CC2D1A: variants seen among roughly 807,000 people sequenced by gnomAD.
The protein encoded by CC2D1A is coiled-coil and C2 domain-containing protein 1A.
In CC2D1A, 68 loss-of-function variants were observed where a neutral mutation model predicts 123.8. The ratio of observed to expected loss-of-function variants is 0.55; its 90% CI spans 0.45 to 0.67. The LOEUF (loss-of-function observed/expected upper bound fraction) is 0.67, where lower values mean the gene tolerates loss of function less well. CC2D1A is among the 30% of genes least tolerant of loss of function. The pLI, the probability that CC2D1A is intolerant of heterozygous loss-of-function variation, is 0.00. For missense variants in CC2D1A, 1,185 were observed against 1,290.3 expected, an observed-to-expected ratio of 0.92 and a Z score of 1.25; for synonymous variants, 477 against 528.0, an observed-to-expected ratio of 0.90 and a Z score of 1.32.
chr19:13,917,434 C>T (rs1269093120), intron 6 of CC2D1A, among the ~76,000 whole-genome samples: 1 of 152,162 alleles, frequency 6.6e-6, no homozygotes, highest in East Asian at 1.9e-4. Context: ...GAGCAAGACT[C>T]TATCTCTTTA....
chr19:13,919,286 G>A, intron 11 of CC2D1A, 84 bp downstream of exon 11: 3 of 1,103,468 alleles, frequency 2.7e-6, no homozygotes, highest in Non-Finnish European at 2.6e-6. Context: ...CTGGCAGGCT[G>A]TGCCCCAAGC....
chr19:13,919,228 C>T (rs781358830), intron 11 of CC2D1A, 26 bp downstream of exon 11: 3 of 1,558,030 alleles, frequency 1.9e-6, no homozygotes, highest in South Asian at 1.2e-5. Flanking sequence ...GTAGGCCTCG[C>T]CCCAGTAGGC....
chr19:13,918,953 C>CA lies in CC2D1A; in HGVS notation c.1061dup (p.Arg355AlafsTer48). 1.2e-6 allele frequency: 2 copies of CA among 1,610,940 alleles called. No individual in the cohort carries two copies. Among genetic ancestry groups the CA allele is most frequent in the Middle Eastern group, 1.7e-4 (1 of 6,054 alleles). ...GAGGACCCTGCTGGAGGCGCTGGAG[C>CA]AGCGGATGGAGCGGTACCAGGTGGC... On this transcript the variant is annotated frameshift_variant, in exon 10 of 29. Coordinates refer to ENST00000318003, the MANE Select transcript of CC2D1A (RefSeq NM_017721.5). LOFTEE classifies it high-confidence loss of function.
chr19:13,927,849 C>T (rs774385117), intron 22 of CC2D1A, 44 bp from the exon 23 acceptor site: 1 of 1,601,386 alleles, frequency 6.2e-7, no homozygotes, highest in South Asian at 1.1e-5. Context: ...GGCCTCTAGT[C>T]ACTTCCTGCT....
rs1971064287 is a variant in CC2D1A, at chr19:13,913,180, G to T, written c.391G>T (p.Ala131Ser). Residue 131 changes from alanine (A) to serine (S), a missense_variant, in exon 5 of 29, where the codon GCC becomes TCC. Coordinates refer to ENST00000318003, the MANE Select transcript of CC2D1A (RefSeq NM_017721.5). ...TGCCCTCCCACAGCCGAAGCCTGAG[G>T]CCCCTCATCCGGGGCTGGAGACCAC... ...PPPVAQPKPE[A>S]PHPGLETTLQ... 1 of 1,610,626 alleles carries T rather than the reference G, an allele frequency of 6.2e-7. No individual in the cohort carries two copies. The highest frequency in any genetic ancestry group is 1.7e-5 in the Admixed American group (1 of 59,334).
chr19:13,920,230 G>T, intron 12 of CC2D1A: 2 of 511,706 alleles, frequency 3.9e-6, no homozygotes, highest in South Asian at 5.2e-5. Context: ...CAGTCTGGGT[G>T]ACAGAGCAAG....
rs1364255811 is a variant in CC2D1A, at chr19:13,918,957, G to A, written c.1064G>A (p.Arg355Gln). Reference protein sequence around the residue: ...PRTLLEALEQRMERYQVAAAQ... With the variant: ...PRTLLEALEQQMERYQVAAAQ... The stretch of plus-strand genomic sequence containing the variant: ...ACCCTGCTGGAGGCGCTGGAGCAGC[G>A]GATGGAGCGGTACCAGGTGGCCGCA... The change falls in exon 10 of 29, where the codon CGG (arginine) becomes CAG (glutamine). Residue 355 changes from arginine (R) to glutamine (Q), a missense_variant. Arg to Gln is a conservative substitution (Grantham distance 43, BLOSUM62 1). Coordinates refer to ENST00000318003, the MANE Select transcript of CC2D1A (RefSeq NM_017721.5). 2.5e-6 allele frequency: 4 copies of A among 1,610,696 alleles called. No homozygotes were observed. Among genetic ancestry groups the A allele is most frequent in the South Asian group, 1.1e-5 (1 of 90,706 alleles).
chr19:13,919,193 G>A lies in CC2D1A; in HGVS notation c.1213G>A (p.Val405Met), dbSNP rs778636075. The part of the protein sequence containing the change: ...GRAVDVAELP[V>M]PPGFPPIQGL... ...AGCCGTGGATGTCGCTGAATTGCCCGTGCCCCCAGGTAGGCCTTGCCCCTG... is the reference window on the plus strand; with the variant it reads ...AGCCGTGGATGTCGCTGAATTGCCCATGCCCCCAGGTAGGCCTTGCCCCTG... Residue 405 changes from valine (V) to methionine (M), a missense_variant, in exon 11 of 29, where the codon GTG becomes ATG. Physicochemically the swap from Val to Met is conservative, Grantham distance 21 (BLOSUM62 1). Coordinates refer to ENST00000318003, the MANE Select transcript of CC2D1A (RefSeq NM_017721.5). 3.1e-6 allele frequency: 5 copies of A among 1,612,008 alleles called. No individual in the cohort carries two copies. The highest frequency in any genetic ancestry group is 4.2e-6 in the Non-Finnish European group (5 of 1,179,158).
chr19:13,928,103 G>A (rs200706809), intron 23 of CC2D1A, 21 bp from the exon 24 acceptor site: 5 of 1,612,950 alleles, frequency 3.1e-6, no homozygotes, highest in Non-Finnish European at 4.2e-6. Context: ...GGACTCACAG[G>A]ACTGGTTCTC....
intron 2 of CC2D1A, among the ~76,000 whole-genome samples, chr19:13,911,789 C>T (rs1971009701): frequency 6.7e-6 from 1 of 148,304 alleles, no homozygotes; most frequent in South Asian, 2.1e-4. Flanking sequence ...GATCTTGGCT[C>T]ACCGCAAGCT....
chr19:13,908,655 G>A (rs1472060756), intron 1 of CC2D1A, among the ~76,000 whole-genome samples: 2 of 151,576 alleles, frequency 1.3e-5, no homozygotes, highest in African/African-American at 2.4e-5. Context: ...TAGTAGAGAC[G>A]GGGTTTCACC....
In CC2D1A at chr19:13,924,316, G is replaced by A. The variant is rs908733787; in HGVS notation, c.1940+505G>A. On this transcript the variant is annotated intron_variant, in intron 17 of 28. Coordinates refer to ENST00000318003, the MANE Select transcript of CC2D1A (RefSeq NM_017721.5). ...CTCCCGAGAAGCTGGGACTACAGCC[G>A]CCCACCACCACGCCTGGCTAATTTT... is the stretch of plus-strand genomic sequence containing the variant. Among the ~76,000 whole-genome samples, 6 of 151,792 alleles carry A rather than the reference G, an allele frequency of 4.0e-5. No individual in the cohort carries two copies. The South Asian group carries it at 1.0e-3, about 26-fold the overall frequency.
rs554441897 is a variant in CC2D1A, at chr19:13,927,153, C to A, written c.2226-22C>A. On this transcript the variant is annotated intron_variant, in intron 21 of 28. Coordinates refer to ENST00000318003, the MANE Select transcript of CC2D1A (RefSeq NM_017721.5). ...TCCTCTGAACCAACCATCCTGTCCC[C>A]ACTATACACACATGCACACAGGGGG... 1.2e-5 allele frequency: 20 copies of A among 1,613,196 alleles called. No individual in the cohort carries two copies. The African/African-American group carries it at 2.0e-4, about 16-fold the overall frequency.
rs1251066831 is a variant in CC2D1A at position 13,906,361 on chromosome 19, G to A, written c.-81G>A. 8.3e-7 allele frequency: 1 copy of A among 1,200,188 alleles called. No individual in the cohort carries two copies. Among genetic ancestry groups the A allele is most frequent in the Admixed American group, 2.7e-5 (1 of 36,766 alleles). The allele number at this position is 1,200,188 out of a possible 1,614,324, so 74.3% of individuals were successfully genotyped here. On this transcript the variant is annotated 5_prime_UTR_variant, in exon 1 of 29. In the 5' UTR this introduces an upstream ATG that the reference lacks. Transcript: ENST00000318003. The surrounding 1 kb of genome is among the most constrained non-coding windows in gnomAD (Gnocchi z 4.1). ...GGAGTGCAGGACTCAGGAAGGGCGA[G>A]TGCGCGGCGACAGAGCCCGGGGAAG...
At chr19:13,914,918 T>C (rs1971150978) in intron 6 of CC2D1A, among the ~76,000 whole-genome samples, 1 of 152,270 alleles carries the variant, frequency 6.6e-6, no homozygotes, top group Non-Finnish European at 1.5e-5. Flanking sequence ...CTCCCTCTCT[T>C]TGTGATATGA....
Position 13,906,604 on chromosome 19 carries a change from A to T in CC2D1A, c.60+103A>T. ...CAGGGAAGCCCGATCTCCGCCCCAC[A>T]GGTAAGCCCCGGTCCCCGCCTCCCC... On this transcript the variant is annotated intron_variant, in intron 1 of 28. Coordinates refer to ENST00000318003, the MANE Select transcript of CC2D1A (RefSeq NM_017721.5). The surrounding 1 kb of genome is among the most constrained non-coding windows in gnomAD (Gnocchi z 4.1). 1 of 677,476 alleles carries T rather than the reference A, an allele frequency of 1.5e-6. No individual in the cohort carries two copies. The highest frequency in any genetic ancestry group is 2.3e-6 in the Non-Finnish European group (1 of 440,298). 42.0% of individuals were successfully genotyped at this position (677,476 alleles called of 1,614,324 possible).
intron 11 of CC2D1A, 41 bp downstream of exon 11, chr19:13,919,243 C>T (rs760208794): frequency 6.8e-7 from 1 of 1,460,964 alleles, no homozygotes; most frequent in Non-Finnish European, 9.3e-7. Context: ...GTAGGCCCCG[C>T]CCCCGTAGGC....
In CC2D1A at chr19:13,923,408, G is replaced by A. The variant is rs560714416; in HGVS notation, c.1717G>A (p.Ala573Thr). ...TGGCCCGGGTCTGTCTCAGGAGGCC[G>A]CCCGGCGCTATGGTGAACTCACCAA... ...RPGPGLSQEA[A>T]RRYGELTKLI... The change falls in exon 15 of 29, where the codon GCC becomes ACC. Residue 573 changes from alanine (A) to threonine (T), a missense_variant. Physicochemically the swap from Ala to Thr is moderately conservative, Grantham distance 58 (BLOSUM62 0). Coordinates refer to ENST00000318003, the MANE Select transcript of CC2D1A (RefSeq NM_017721.5). The surrounding 1 kb of genome is among the most constrained non-coding windows in gnomAD (Gnocchi z 5.3). 26 of 1,613,404 alleles carry A rather than the reference G, an allele frequency of 1.6e-5. No individual in the cohort carries two copies. In the East Asian group the frequency reaches 1.8e-4, roughly 11 times the overall value.
intron 17 of CC2D1A, among the ~76,000 whole-genome samples, chr19:13,925,915 G>A (rs1971574462): frequency 2.0e-5 from 1 of 48,854 alleles, no homozygotes; most frequent in Non-Finnish European, 3.9e-5. Context: ...GCAAGACTCT[G>A]TCTAAAAAAA....
Sources: allele counts gnomAD v4.1 joint callset (sites outside exome capture counted in the v4.1 genomes callset), GRCh38; gene constraint gnomAD v4.1.1; non-coding constraint Gnocchi (gnomAD v3.1); transcripts MANE v1.5; gene names NCBI Gene and HGNC (gene_info 2026-07-23, HGNC 2026-07-21).